Variants in RELN observed in about 807,000 individuals in gnomAD.
The protein encoded by RELN is reelin.
In RELN, 108 loss-of-function variants were observed where a neutral mutation model predicts 427.6. The observed-to-expected ratio is 0.25, with a 90% CI of 0.22 to 0.30. RELN has a LOEUF of 0.30. Among genes scored for constraint, RELN ranks in the 10% least tolerant of loss-of-function variants. The pLI is 1.00. For synonymous variants in RELN, 1,524 were observed against 1,513.4 expected (o/e 1.01, Z -0.16); for missense variants, 3,715 against 4,302.8 (o/e 0.86, Z 3.82).
intron 1 of RELN, among the ~76,000 whole-genome samples, chr7:103,936,669 T>TC (rs1334754796): frequency 6.6e-6 from 1 of 150,580 alleles, no homozygotes; most frequent in East Asian, 1.9e-4. Context: ...AACTTTTCCC[T>TC]CCCCCAAGAA....
At chr7:103,754,884 T>C (rs1485258722) in intron 4 of RELN, among the ~76,000 whole-genome samples, 1 of 152,084 alleles carries the variant, frequency 6.6e-6, no homozygotes, top group Admixed American at 6.5e-5. Context: ...GTGCATTCCA[T>C]TAAGGAAATA....
intron 51 of RELN, among the ~76,000 whole-genome samples, chr7:103,509,867 G>A (rs750791500): frequency 2.0e-5 from 3 of 152,034 alleles, no homozygotes; most frequent in Non-Finnish European, 2.9e-5. Flanking sequence ...AGACATTTAT[G>A]TGGCCAACAA....
chr7:103,802,634 T>C (rs1325355332), intron 3 of RELN, among the ~76,000 whole-genome samples: 3 of 152,144 alleles, frequency 2.0e-5, no homozygotes, highest in Non-Finnish European at 2.9e-5. Context: ...ATTAGCACTG[T>C]GCATTAAATC....
At chr7:103,828,975 A>T (rs1793210468) in intron 3 of RELN, among the ~76,000 whole-genome samples, 1 of 151,930 alleles carries the variant, frequency 6.6e-6, no homozygotes, top group Non-Finnish European at 1.5e-5. Flanking sequence ...AAGTAGCAAA[A>T]ACCATCTGCT....
chr7:103,774,899 C>A (rs1474755350), intron 4 of RELN, among the ~76,000 whole-genome samples: 1 of 152,024 alleles, frequency 6.6e-6, no homozygotes, highest in Non-Finnish European at 1.5e-5. Context: ...CCACATGTAC[C>A]ACTGTGTAAA....
chr7:103,593,453 T>C (rs531275533), intron 27 of RELN, among the ~76,000 whole-genome samples: 1 of 152,304 alleles, frequency 6.6e-6, no homozygotes, highest in East Asian at 1.9e-4. Flanking sequence ...GTTCCTTGAG[T>C]ACCTAAAGAA....
In RELN at chr7:103,483,586, T is replaced by G. The variant is rs1828317379; in HGVS notation, c.10181+67A>C. 9.1e-6 allele frequency: 14 copies of G among 1,542,986 alleles called. No individual in the cohort carries two copies. The South Asian group carries it at 1.3e-4, about 15-fold the overall frequency. ...CTTTACCCAACTTCTACCTCAAACT[T>G]TGTGATTCCCAGGGATTCACAAAGG... On this transcript the variant is annotated intron_variant, in intron 62 of 64. Coordinates refer to ENST00000428762, the MANE Select transcript of RELN (RefSeq NM_005045.4).
Position 103,727,180 on chromosome 7 carries a change from A to G in RELN, c.753+931T>C, listed in dbSNP as rs1048957856. 3.3e-5 allele frequency among the ~76,000 whole-genome samples: 5 copies of G among 152,274 alleles called. 1 individual carries two copies. The highest frequency in any genetic ancestry group is 1.2e-4 in the African/African-American group (5 of 41,574). ...TACATTGGAAGTCAGTCTTTTGACA[A>G]CTTTTAAAGTTAATGATTTTGAAAC... On this transcript the variant is annotated intron_variant, in intron 7 of 64. Coordinates refer to ENST00000428762, the MANE Select transcript of RELN (RefSeq NM_005045.4).
chr7:103,802,201 T>C (rs1792484171), intron 3 of RELN, among the ~76,000 whole-genome samples: 1 of 152,156 alleles, frequency 6.6e-6, no homozygotes, highest in African/African-American at 2.4e-5. Context: ...AATTAAACAA[T>C]CTTATAGCCC....
intron 1 of RELN, among the ~76,000 whole-genome samples, chr7:103,971,271 G>C (rs1265451676): frequency 6.6e-6 from 1 of 151,420 alleles, no homozygotes; most frequent in Non-Finnish European, 1.5e-5. Flanking sequence ...CCATATAAAC[G>C]AAACAACTGA....
chr7:103,592,744 G>A (rs1831448177), intron 27 of RELN, among the ~76,000 whole-genome samples: 1 of 152,150 alleles, frequency 6.6e-6, no homozygotes, highest in Admixed American at 6.5e-5. Flanking sequence ...AAAGGTGTCA[G>A]ATGAGAAACA....
At chr7:103,694,930 G>T (rs1833946481) in intron 10 of RELN, among the ~76,000 whole-genome samples, 1 of 151,888 alleles carries the variant, frequency 6.6e-6, no homozygotes, top group African/African-American at 2.4e-5. Flanking sequence ...CTCCCAAAGT[G>T]CTGGGATTAC....
chr7:103,812,248 T>C (rs1792761382), intron 3 of RELN, among the ~76,000 whole-genome samples: 1 of 152,074 alleles, frequency 6.6e-6, no homozygotes, highest in Non-Finnish European at 1.5e-5. Flanking sequence ...GCATCCTTTC[T>C]CCCCAGACCC....
At chr7:103,980,161 CAAA>C (rs368158466) in intron 1 of RELN, among the ~76,000 whole-genome samples, 1 of 88,600 alleles carries the variant, frequency 1.1e-5, no homozygotes. Context: ...ACTCTGTCTC[CAAA>C]AAAAAAAAAA....
intron 2 of RELN, among the ~76,000 whole-genome samples, chr7:103,841,156 T>C (rs570362446): frequency 6.6e-6 from 1 of 152,236 alleles, no homozygotes; most frequent in Non-Finnish European, 1.5e-5. Flanking sequence ...TCCAAAGTTC[T>C]ATAAAGTTGA....
chr7:103,594,230 G>T (rs1442970719), intron 26 of RELN, 91 bp downstream of exon 26: 1 of 1,267,546 alleles, frequency 7.9e-7, no homozygotes, highest in Non-Finnish European at 1.2e-6. Flanking sequence ...TACATTCAGT[G>T]TCAAGCACTA....
At chr7:103,713,455 A>G (rs1789855299) in intron 8 of RELN, among the ~76,000 whole-genome samples, 1 of 152,098 alleles carries the variant, frequency 6.6e-6, no homozygotes, top group South Asian at 2.1e-4. Flanking sequence ...CAGTGAGTGG[A>G]AAGAGAGATA....
rs571538052 is a variant in RELN, at chr7:103,870,601, G to A, written c.338-36929C>T. Reference sequence around the variant, plus strand: ...GGTCATGTCCTTATTGCCAAAGCATGACCCTTCTGGCCTTCTGGTATCTCA... The same window carrying A: ...GGTCATGTCCTTATTGCCAAAGCATAACCCTTCTGGCCTTCTGGTATCTCA... On this transcript the variant is annotated intron_variant, in intron 2 of 64. Coordinates refer to ENST00000428762, the MANE Select transcript of RELN (RefSeq NM_005045.4). 1.4e-3 allele frequency among the ~76,000 whole-genome samples: 214 copies of A among 152,166 alleles called. 1 individual carries two copies. The highest frequency in any genetic ancestry group is 4.9e-3 in the African/African-American group (205 of 41,530).
intron 3 of RELN, among the ~76,000 whole-genome samples, chr7:103,794,043 A>G (rs1017960887): frequency 6.6e-6 from 1 of 152,144 alleles, no homozygotes; most frequent in African/African-American, 2.4e-5. Context: ...CTGCAATTAC[A>G]AGCATGAGCC....
Sources: allele counts gnomAD v4.1 joint callset (sites outside exome capture counted in the v4.1 genomes callset), GRCh38; gene constraint gnomAD v4.1.1; transcripts MANE v1.5; gene names NCBI Gene and HGNC (gene_info 2026-07-23, HGNC 2026-07-21).